The following DPYD variants were observed in gnomAD, a reference collection of about 807,000 sequenced individuals.
The protein encoded by DPYD is dihydropyrimidine dehydrogenase [NADP(+)].
A neutral mutation model predicts 116.2 loss-of-function variants in DPYD; 109 were observed. The observed-to-expected ratio is 0.94, with a 90% CI of 0.80 to 1.10. DPYD has a LOEUF of 1.10. Among genes scored for constraint, DPYD ranks in the 50% least tolerant of loss-of-function variants. The pLI is 0.00. For missense variants in DPYD, 1,302 were observed against 1,254.5 expected, an observed-to-expected ratio of 1.04 and a Z score of -0.57; for synonymous variants, 440 against 432.0, an observed-to-expected ratio of 1.02 and a Z score of -0.23.
chr1:97,253,339 T>C (rs114273264), intron 18 of DPYD, among the ~76,000 whole-genome samples: 6 of 152,300 alleles, frequency 3.9e-5, no homozygotes, highest in Non-Finnish European at 5.9e-5. Flanking sequence ...TTCTGGAGCA[T>C]TTTTACTTCT....
intron 3 of DPYD, among the ~76,000 whole-genome samples, chr1:97,771,556 C>G (rs892336160): frequency 2.0e-5 from 3 of 152,090 alleles, no homozygotes; most frequent in African/African-American, 7.2e-5. Flanking sequence ...AGCACACATT[C>G]TAAAGAAAGA....
At position 97,573,658 on chromosome 1, in the gene DPYD, A is replaced by G. The variant is rs1653062629; in HGVS notation, c.1339+102T>C. On this transcript the variant is annotated intron_variant, in intron 11 of 22. Transcript: ENST00000370192. ...TTTTACTTCTTAACTAGAAGAGGAA[A>G]ATAAATTTTAAAGTGAAAAACAATT... The G allele has an allele frequency of 5.5e-6, 8 of 1,457,770 alleles. No individual in the cohort carries two copies. In the Admixed American group the frequency reaches 1.2e-4, roughly 22 times the overall value. 90.3% of individuals were successfully genotyped at this position (1,457,770 alleles called of 1,614,324 possible).
At chr1:97,226,872 A>T (rs1661203339) in intron 19 of DPYD, among the ~76,000 whole-genome samples, 2 of 152,176 alleles carry the variant, frequency 1.3e-5, no homozygotes, top group African/African-American at 4.8e-5. Flanking sequence ...AAATCACTGA[A>T]GAGTTTTTTA....
chr1:97,115,638 T>C (rs1651911894), intron 20 of DPYD, among the ~76,000 whole-genome samples: 1 of 152,168 alleles, frequency 6.6e-6, no homozygotes, highest in Non-Finnish European at 1.5e-5. Context: ...CTTAAAAGTA[T>C]TGTCTTAAAA....
chr1:97,155,509 T>C (rs1391846672), intron 20 of DPYD, among the ~76,000 whole-genome samples: 1 of 152,206 alleles, frequency 6.6e-6, no homozygotes, highest in African/African-American at 2.4e-5. Context: ...ATTGCATTAG[T>C]TGTTTTTATT....
At chr1:97,686,014 T>C (rs769525172) in intron 7 of DPYD, among the ~76,000 whole-genome samples, 8 of 152,048 alleles carry the variant, frequency 5.3e-5, no homozygotes, top group Non-Finnish European at 8.8e-5. Context: ...AAAGAGCCCA[T>C]ATAGCCAAGA....
At chr1:97,292,717 C>T (rs1042053095) in intron 18 of DPYD, among the ~76,000 whole-genome samples, 12 of 95,672 alleles carry the variant, frequency 1.3e-4, no homozygotes, top group South Asian at 4.4e-4. Flanking sequence ...CGCGCACACG[C>T]GCGAGCACAC....
At chr1:97,835,976 G>A (rs1244593854) in intron 2 of DPYD, among the ~76,000 whole-genome samples, 1 of 152,040 alleles carries the variant, frequency 6.6e-6, no homozygotes, top group East Asian at 1.9e-4. Context: ...TACCACCACA[G>A]GGAAACCACA....
intron 20 of DPYD, among the ~76,000 whole-genome samples, chr1:97,178,531 T>G (rs769747453): frequency 1.3e-5 from 2 of 152,116 alleles, no homozygotes; most frequent in Admixed American, 1.3e-4. Context: ...CTCATTCTCA[T>G]GAGGACAGCA....
At chr1:97,827,593 G>T (rs1455618332) in intron 3 of DPYD, among the ~76,000 whole-genome samples, 1 of 151,826 alleles carries the variant, frequency 6.6e-6, no homozygotes, top group Non-Finnish European at 1.5e-5. Flanking sequence ...AAAAAAGTCA[G>T]GCTCATTATA....
intron 3 of DPYD, among the ~76,000 whole-genome samples, chr1:97,823,830 T>C (rs1271525021): frequency 6.6e-6 from 1 of 150,736 alleles, no homozygotes; most frequent in Non-Finnish European, 1.5e-5. Context: ...TGCATGAAAT[T>C]TCCTTTGGGC....
chr1:97,443,860 C>T (rs1344781806), intron 14 of DPYD, among the ~76,000 whole-genome samples: 2 of 152,132 alleles, frequency 1.3e-5, no homozygotes, highest in African/African-American at 4.8e-5. Context: ...AGGTAGTCTT[C>T]GTGGAGATGG....
At chr1:97,116,602 G>A (rs1023973526) in intron 20 of DPYD, among the ~76,000 whole-genome samples, 1 of 151,436 alleles carries the variant, frequency 6.6e-6, no homozygotes. Flanking sequence ...AGCCCAGGAG[G>A]TCAAGGCTGC....
chr1:97,865,084 G>C (rs1671308708), intron 2 of DPYD, among the ~76,000 whole-genome samples: 1 of 151,886 alleles, frequency 6.6e-6, no homozygotes, highest in Admixed American at 6.6e-5. Flanking sequence ...TGCCTTGTAT[G>C]TGTCTGCTTC....
intron 12 of DPYD, among the ~76,000 whole-genome samples, chr1:97,519,856 C>G (rs1648509590): frequency 6.6e-6 from 1 of 152,102 alleles, no homozygotes; most frequent in East Asian, 1.9e-4. Context: ...TTCCATCTTT[C>G]TTCTCCATCT....
chr1:97,227,331 CAAA>C (rs60992225), intron 19 of DPYD, among the ~76,000 whole-genome samples: 72 of 26,356 alleles, frequency 2.7e-3, no homozygotes, highest in African/African-American at 8.5e-3. Flanking sequence ...GACTCTATCT[CAAA>C]AAAAAAAAAA....
chr1:97,385,837 T>C (rs1211411486), intron 14 of DPYD, among the ~76,000 whole-genome samples: 1 of 152,130 alleles, frequency 6.6e-6, no homozygotes, highest in East Asian at 1.9e-4. Flanking sequence ...GGACTAACAC[T>C]GTTTCTCTCT....
At chr1:97,297,860 C>T (rs187929929) in intron 18 of DPYD, among the ~76,000 whole-genome samples, 2 of 152,276 alleles carry the variant, frequency 1.3e-5, no homozygotes, top group African/African-American at 4.8e-5. Context: ...CTAACTCACA[C>T]CTGTTTCCTT....
At chr1:97,777,606 A>T (rs989723197) in intron 3 of DPYD, among the ~76,000 whole-genome samples, 2 of 152,024 alleles carry the variant, frequency 1.3e-5, no homozygotes, top group East Asian at 3.9e-4. Context: ...ATCTAGTTTT[A>T]TTTTTTCAGC....
Sources: allele counts gnomAD v4.1 joint callset (sites outside exome capture counted in the v4.1 genomes callset), GRCh38; gene constraint gnomAD v4.1.1; transcripts MANE v1.5; gene names NCBI Gene and HGNC (gene_info 2026-07-23, HGNC 2026-07-21).